PCDH15: variants seen among roughly 807,000 people sequenced by gnomAD.
PCDH15 encodes the protein protocadherin-15.
A neutral mutation model predicts 178.5 loss-of-function variants in PCDH15; 129 were observed. The ratio of observed to expected loss-of-function variants is 0.72; its 90% CI spans 0.63 to 0.84. The LOEUF (loss-of-function observed/expected upper bound fraction) is 0.84. PCDH15 is among the 40% of genes least tolerant of loss of function. The pLI is 0.00. For synonymous variants in PCDH15, 800 were observed against 732.0 expected, an observed-to-expected ratio of 1.09 and a Z score of -1.50; for missense variants, 2,230 against 2,099.9, an observed-to-expected ratio of 1.06 and a Z score of -1.21.
Position 54,357,609 on chromosome 10 carries a change from A to G in PCDH15, c.475-11125T>C, listed in dbSNP as rs530519073. On this transcript the variant is annotated intron_variant, in intron 5 of 37. Coordinates refer to ENST00000644397, the MANE Select transcript of PCDH15 (RefSeq NM_001384140.1). Reference sequence around the variant, plus strand: ...CTGCCCAAGGTAATTTATAGATTCAATGCCATCCCCATCAAGCTATGAATG... The same window carrying G: ...CTGCCCAAGGTAATTTATAGATTCAGTGCCATCCCCATCAAGCTATGAATG... 3.3e-5 allele frequency among the ~76,000 whole-genome samples: 5 copies of G among 152,290 alleles called. No homozygotes were observed. The East Asian group carries it at 7.7e-4, about 24-fold the overall frequency.
intron 2 of PCDH15, among the ~76,000 whole-genome samples, chr10:55,072,349 A>AG (rs897009075): frequency 1.3e-5 from 2 of 152,216 alleles, no homozygotes; most frequent in African/African-American, 4.8e-5. Flanking sequence ...ATAGACCACT[A>AG]GCAAGACTAA....
chr10:54,247,346 A>G (rs954164532), intron 8 of PCDH15, among the ~76,000 whole-genome samples: 5 of 151,906 alleles, frequency 3.3e-5, no homozygotes, highest in Non-Finnish European at 7.4e-5. Flanking sequence ...ATTTTCTTTT[A>G]TATCTGTAGG....
At chr10:55,283,694 A>G (rs964922542) in intron 1 of PCDH15, among the ~76,000 whole-genome samples, 3 of 151,258 alleles carry the variant, frequency 2.0e-5, no homozygotes, top group Non-Finnish European at 4.4e-5. Context: ...CCTTTGTAAA[A>G]TGAATTAATG....
chr10:54,833,757 T>C (rs1953266021), intron 3 of PCDH15, among the ~76,000 whole-genome samples: 1 of 152,184 alleles, frequency 6.6e-6, no homozygotes, highest in East Asian at 1.9e-4. Context: ...CACAATGTGA[T>C]ATAAAATTAT....
At chr10:54,374,652 T>C (rs193017147) in intron 4 of PCDH15, among the ~76,000 whole-genome samples, 2 of 152,016 alleles carry the variant, frequency 1.3e-5, no homozygotes, top group African/African-American at 4.8e-5. Flanking sequence ...AACTCTTCCT[T>C]TCTTTTTTTA....
rs751189532 is a variant in PCDH15, at chr10:53,827,509, G to A, written c.4251C>T (p.Ala1417=). 2.2e-5 allele frequency: 36 copies of A among 1,613,964 alleles called. No homozygotes were observed. Among genetic ancestry groups the A allele is most frequent in the Non-Finnish European group, 2.9e-5 (34 of 1,179,962 alleles). The change falls in exon 32 of 38, where the codon GCC becomes GCT. Residue 1417 remains alanine (A), a synonymous_variant. Coordinates refer to ENST00000644397, the MANE Select transcript of PCDH15 (RefSeq NM_001384140.1). ...AECTKTARIQ[A]ALPAAKPAVP... ...CTGCTGGTTTAGCCGCGGGTAATGC[G>A]GCCTGAATTCGTGCAGTCTTTGTAC...
At chr10:54,602,461 G>A (rs2092582418) in intron 2 of PCDH15, among the ~76,000 whole-genome samples, 1 of 151,832 alleles carries the variant, frequency 6.6e-6, no homozygotes, top group South Asian at 2.1e-4. Flanking sequence ...ACTGTTTCTT[G>A]TCTAGTTTGA....
intron 8 of PCDH15, among the ~76,000 whole-genome samples, chr10:54,242,574 AAAT>A (rs946882530): frequency 6.6e-6 from 1 of 152,156 alleles, no homozygotes; most frequent in Non-Finnish European, 1.5e-5. Flanking sequence ...CACCAATGAA[AAAT>A]AATATCTATC....
chr10:54,497,973 A>G (rs867623735), intron 3 of PCDH15, among the ~76,000 whole-genome samples: 2 of 152,096 alleles, frequency 1.3e-5, no homozygotes, highest in African/African-American at 4.8e-5. Context: ...CAGAGAATAT[A>G]TAAGATGACT....
chr10:54,471,507 T>C (rs1461035122), intron 3 of PCDH15, among the ~76,000 whole-genome samples: 1 of 152,212 alleles, frequency 6.6e-6, no homozygotes, highest in African/African-American at 2.4e-5. Context: ...TTCTGTTTTA[T>C]GTGAGCAGCT....
chr10:54,844,869 T>G (rs1321675297), intron 3 of PCDH15, among the ~76,000 whole-genome samples: 1 of 151,938 alleles, frequency 6.6e-6, no homozygotes, highest in Non-Finnish European at 1.5e-5. Context: ...ATAATGACTT[T>G]TAAAAAAACG....
At chr10:54,644,314 T>G (rs1459004936) in intron 2 of PCDH15, among the ~76,000 whole-genome samples, 1 of 149,066 alleles carries the variant, frequency 6.7e-6, no homozygotes, top group Non-Finnish European at 1.5e-5. Flanking sequence ...GAAACCCAAA[T>G]GTCCTACAAT....
At chr10:55,318,048 A>G (rs547107823) in intron 1 of PCDH15, among the ~76,000 whole-genome samples, 1 of 151,980 alleles carries the variant, frequency 6.6e-6, no homozygotes, top group South Asian at 2.1e-4. Context: ...TAGTTACAGG[A>G]GTTCCAAGTT....
intron 2 of PCDH15, among the ~76,000 whole-genome samples, chr10:54,996,965 C>T (rs1018717927): frequency 3.9e-5 from 6 of 151,906 alleles, no homozygotes; most frequent in South Asian, 2.1e-4. Flanking sequence ...AAAAATTAGC[C>T]GGGTGTAGTG....
intron 2 of PCDH15, among the ~76,000 whole-genome samples, chr10:55,583,489 A>G (rs1842663819): frequency 6.6e-6 from 1 of 152,174 alleles, no homozygotes; most frequent in Non-Finnish European, 1.5e-5. Flanking sequence ...GCTGCAGTGC[A>G]GTGGCACGAT....
chr10:54,800,057 G>C (rs888781751), intron 1 of PCDH15, among the ~76,000 whole-genome samples: 3 of 151,982 alleles, frequency 2.0e-5, no homozygotes, highest in African/African-American at 7.2e-5. Flanking sequence ...GTATGACTTG[G>C]AGTTAACCTT....
At chr10:54,890,519 T>G (rs1954442139) in intron 3 of PCDH15, among the ~76,000 whole-genome samples, 1 of 152,034 alleles carries the variant, frequency 6.6e-6, no homozygotes, top group Admixed American at 6.6e-5. Context: ...TGCTGGTTAT[T>G]ATGAGAATGG....
At position 53,908,376 on chromosome 10, in the gene PCDH15, C is replaced by T. The variant is rs571437778; in HGVS notation, c.3374-5006G>A. Among the ~76,000 whole-genome samples, 8 of 152,298 alleles carry T rather than the reference C, an allele frequency of 5.3e-5. No individual in the cohort carries two copies. In the South Asian group the frequency reaches 6.2e-4, roughly 12 times the overall value. ...AGATAAAATGGAAAGTTTCCAAATGCTATAGTAATACCCTCTCCTCAATCC... is the reference window on the plus strand; with the variant it reads ...AGATAAAATGGAAAGTTTCCAAATGTTATAGTAATACCCTCTCCTCAATCC... On this transcript the variant is annotated intron_variant, in intron 25 of 37. Transcript: ENST00000644397.
At chr10:55,542,425 T>A (rs1051844717) in intron 2 of PCDH15, among the ~76,000 whole-genome samples, 1 of 151,050 alleles carries the variant, frequency 6.6e-6, no homozygotes, top group Non-Finnish European at 1.5e-5. Context: ...ATATGTACAG[T>A]ATGTCTACAG....
Sources: allele counts gnomAD v4.1 joint callset (sites outside exome capture counted in the v4.1 genomes callset), GRCh38; gene constraint gnomAD v4.1.1; transcripts MANE v1.5; gene names NCBI Gene and HGNC (gene_info 2026-07-23, HGNC 2026-07-21).